ZNF574: variants seen among roughly 807,000 people sequenced by gnomAD.
ZNF574 encodes the protein zinc finger protein 574.
Under a neutral mutation model 56.6 loss-of-function variants are expected in ZNF574, and 25 were observed. The ratio of observed to expected loss-of-function variants is 0.44; its 90% CI spans 0.32 to 0.62. ZNF574 has a LOEUF of 0.62. ZNF574 is among the 20% of genes least tolerant of loss of function. The probability of loss-of-function intolerance (pLI) is 0.04; values close to 1 mark genes in which losing one functional copy is unlikely to be tolerated. For synonymous variants in ZNF574, 543 were observed against 492.1 expected, an observed-to-expected ratio of 1.10 and a Z score of -1.37; for missense variants, 1,065 against 1,218.9, an observed-to-expected ratio of 0.87 and a Z score of 1.88.
At chr19:42,073,111 C>T (rs1338122874), upstream of ZNF574, among the ~76,000 whole-genome samples, 3 of 152,244 alleles carry the variant, frequency 2.0e-5, no homozygotes, top group Non-Finnish European at 2.9e-5. Context: ...ACCACTTGAA[C>T]TTCCTGCCTG....
At chr19:42,077,049 G>A (rs2076461270) in intron 1 of ZNF574, among the ~76,000 whole-genome samples, 1 of 152,016 alleles carries the variant, frequency 6.6e-6, no homozygotes, top group African/African-American at 2.4e-5. Context: ...ATGGGATTTG[G>A]TTATTGGAAG....
At position 42,080,724 on chromosome 19, in the gene ZNF574, A is replaced by G. The variant is rs755206104; in HGVS notation, c.2118A>G (p.Arg706=). The stretch of plus-strand genomic sequence containing the variant: ...TGGCTAAGGAGCCCCCTGCCCCTCG[A>G]GCCCCACGGGCCACTCGTGCACCAG... ...EVLAKEPPAP[R]APRATRAPVA... Residue 706 remains arginine, a synonymous_variant, in exon 2 of 2, where the codon CGA becomes CGG. Transcript: ENST00000359044. The surrounding 1 kb of genome is among the most constrained non-coding windows in gnomAD (Gnocchi z 8.5). The G allele has an allele frequency of 6.2e-7, 1 of 1,613,600 alleles. No individual in the cohort carries two copies. The highest frequency in any genetic ancestry group is 8.5e-7 in the Non-Finnish European group (1 of 1,179,954).
chr19:42,074,707 GAGA>G (rs1019248856), upstream of ZNF574: 4 of 152,268 alleles, frequency 2.6e-5, no homozygotes, highest in African/African-American at 9.6e-5. Flanking sequence ...TTTAATCCAT[GAGA>G]AGGTTAGGAC....
chr19:42,079,008 C>T lies in ZNF574; in HGVS notation c.402C>T (p.Leu134=), dbSNP rs765837108. 3 of 1,614,144 alleles carry T rather than the reference C, an allele frequency of 1.9e-6. No homozygotes were observed. The highest frequency in any genetic ancestry group is 3.3e-5 in the Admixed American group (2 of 60,024). Residue 134 remains leucine, a synonymous_variant, in exon 2 of 2, where the codon CTC becomes CTT. Transcript: ENST00000359044. This position sits in a 1 kb window ranked among gnomAD's most constrained non-coding sequence, Gnocchi z 4.3. ...ACGAGTGTGTGGATTGCAAGGCTCTCTTTGCCAGCCAGGAGCTCTGGCTGA... is the reference window on the plus strand; with the variant it reads ...ACGAGTGTGTGGATTGCAAGGCTCTTTTTGCCAGCCAGGAGCTCTGGCTGA... The part of the protein sequence containing the change: ...IHYECVDCKA[L]FASQELWLNH...
At position 42,080,442 on chromosome 19, in the gene ZNF574, C is replaced by T. The variant is rs201121224; in HGVS notation, c.1836C>T (p.Cys612=). The change falls in exon 2 of 2, where the codon TGC becomes TGT. Residue 612 remains cysteine, a synonymous_variant. Coordinates refer to ENST00000359044, the MANE Select transcript of ZNF574 (RefSeq NM_022752.6). The surrounding 1 kb of genome is among the most constrained non-coding windows in gnomAD (Gnocchi z 8.5). ...AATACCCCTACAAGTGTCGCGAGTGCCCCCGCTCCTTCTTGCTGCGTCGGC... is the reference window on the plus strand; with the variant it reads ...AATACCCCTACAAGTGTCGCGAGTGTCCCCGCTCCTTCTTGCTGCGTCGGC... ...TGEYPYKCRE[C]PRSFLLRRLL... 23 of 1,614,064 alleles carry T rather than the reference C, an allele frequency of 1.4e-5. No individual in the cohort carries two copies. Among genetic ancestry groups the T allele is most frequent in the Admixed American group, 3.3e-5 (2 of 60,006 alleles).
intron 1 of ZNF574, 94 bp from the exon 2 acceptor site, chr19:42,078,493 T>G: frequency 2.8e-6 from 3 of 1,068,764 alleles, no homozygotes; most frequent in East Asian, 2.4e-5. Context: ...CTTAAGGGGG[T>G]GTAGATCTAA....
In ZNF574 at chr19:42,080,066, T is replaced by G. The variant is rs1568945388; in HGVS notation, c.1460T>G (p.Phe487Cys). ...KALQLTRHQR[F>C]VHRLERRHKC... ...TTGCAGCTGACCCGGCACCAACGTT[T>G]TGTGCATCGGCTGGAGCGGCGCCAT... The change falls in exon 2 of 2, where the codon TTT (phenylalanine) becomes TGT (cysteine). Residue 487 changes from phenylalanine (F) to cysteine (C), a missense_variant. Coordinates refer to ENST00000359044, the MANE Select transcript of ZNF574 (RefSeq NM_022752.6). This position sits in a 1 kb window ranked among gnomAD's most constrained non-coding sequence, Gnocchi z 8.5. 6.2e-7 allele frequency: 1 copy of G among 1,614,084 alleles called. No homozygotes were observed. The highest frequency in any genetic ancestry group is 8.5e-7 in the Non-Finnish European group (1 of 1,180,004).
chr19:42,080,962 C>T lies in ZNF574; in HGVS notation c.2356C>T (p.Arg786Cys), dbSNP rs1156557116. 2 of 1,614,168 alleles carry T rather than the reference C, an allele frequency of 1.2e-6. No homozygotes were observed. Among genetic ancestry groups the T allele is most frequent in the South Asian group, 1.1e-5 (1 of 91,088 alleles). ...GAGTACCCACCTGAAAGACCACCGG[C>T]GCCTGCACACAGGTGAGCGGCCCTT... is the stretch of plus-strand genomic sequence containing the variant. ...RQSTHLKDHR[R>C]LHTGERPFAC... The change falls in exon 2 of 2, where the codon CGC (arginine) becomes TGC (cysteine). Residue 786 changes from arginine to cysteine, a missense_variant. Physicochemically the swap from Arg to Cys is radical, Grantham distance 180 (BLOSUM62 -3). Transcript: ENST00000359044. This position sits in a 1 kb window ranked among gnomAD's most constrained non-coding sequence, Gnocchi z 8.5.
rs1380818717 is a variant in ZNF574, at chr19:42,080,835, C to T, written c.2229C>T (p.Cys743=). ...GCCGGGGTCTAGAGTGCAGCGAGTG[C>T]AAGAAGCTGTTCAGCACAGAGACGT... ...ARRRGLECSE[C]KKLFSTETSL... Residue 743 remains cysteine, a synonymous_variant, in exon 2 of 2, where the codon TGC becomes TGT. Transcript: ENST00000359044. This position sits in a 1 kb window ranked among gnomAD's most constrained non-coding sequence, Gnocchi z 8.5. 1.9e-6 allele frequency: 3 copies of T among 1,613,986 alleles called. No individual in the cohort carries two copies. Among genetic ancestry groups the T allele is most frequent in the Non-Finnish European group, 2.5e-6 (3 of 1,180,046 alleles).
upstream of ZNF574, chr19:42,074,718 G>A (rs2146208560): frequency 6.6e-6 from 1 of 152,264 alleles, no homozygotes; most frequent in Non-Finnish European, 1.5e-5. Flanking sequence ...AGAAGGTTAG[G>A]ACATCTAGTG....
At chr19:42,075,566 A>T (rs1434754178), upstream of ZNF574, among the ~76,000 whole-genome samples, 1 of 152,076 alleles carries the variant, frequency 6.6e-6, no homozygotes, top group Non-Finnish European at 1.5e-5. Context: ...TCCTTTTAAT[A>T]AAGTGAGTCT....
In ZNF574 at chr19:42,080,514, C is replaced by T. The variant is rs1455659791; in HGVS notation, c.1908C>T (p.His636=). Residue 636 remains histidine, a synonymous_variant, in exon 2 of 2, where the codon CAC becomes CAT. Coordinates refer to ENST00000359044, the MANE Select transcript of ZNF574 (RefSeq NM_022752.6). This position sits in a 1 kb window ranked among gnomAD's most constrained non-coding sequence, Gnocchi z 8.5. ...QLVVHAGRQP[H]RCPSCGAAFP... ...TGGTCCATGCCGGGCGCCAGCCCCA[C>T]CGCTGCCCATCCTGTGGGGCTGCCT... 1.2e-6 allele frequency: 2 copies of T among 1,613,664 alleles called. No homozygotes were observed. Among genetic ancestry groups the T allele is most frequent in the Non-Finnish European group, 1.7e-6 (2 of 1,179,926 alleles).
chr19:42,078,196 G>C (rs1182223105), intron 1 of ZNF574, among the ~76,000 whole-genome samples: 2 of 152,058 alleles, frequency 1.3e-5, no homozygotes, highest in African/African-American at 4.8e-5. Flanking sequence ...AGAGGAATGG[G>C]GTGAGGTGAG....
chr19:42,079,066 A>G lies in ZNF574; in HGVS notation c.460A>G (p.Thr154Ala), dbSNP rs747484426. The change falls in exon 2 of 2, where the codon ACC (threonine) becomes GCC (alanine). Residue 154 changes from threonine (T) to alanine (A), a missense_variant. Thr to Ala is a moderately conservative substitution (Grantham distance 58, BLOSUM62 0). Transcript: ENST00000359044. This position sits in a 1 kb window ranked among gnomAD's most constrained non-coding sequence, Gnocchi z 4.3. ...GCAGACGCACCTCCGGGCCACACCCACCAAGGCTCCTGCCCCTGTTGTCCT... is the reference window on the plus strand; with the variant it reads ...GCAGACGCACCTCCGGGCCACACCCGCCAAGGCTCCTGCCCCTGTTGTCCT... Reference protein sequence around the residue: ...HRQTHLRATPTKAPAPVVLGS... With the variant: ...HRQTHLRATPAKAPAPVVLGS... 1.2e-6 allele frequency: 2 copies of G among 1,614,082 alleles called. No homozygotes were observed.
upstream of ZNF574, among the ~76,000 whole-genome samples, chr19:42,073,203 G>A (rs1048417514): frequency 6.6e-6 from 1 of 152,122 alleles, no homozygotes; most frequent in Admixed American, 6.5e-5. Flanking sequence ...CCTAACTATG[G>A]GAACTACGAC....
chr19:42,080,412 A>C lies in ZNF574; in HGVS notation c.1806A>C (p.Thr602=). 6.2e-7 allele frequency: 1 copy of C among 1,614,204 alleles called. No homozygotes were observed. The highest frequency in any genetic ancestry group is 8.5e-7 in the Non-Finnish European group (1 of 1,180,026). ...TGCTCATGCACCGCTACCATCACAC[A>C]GGTGAATACCCCTACAAGTGTCGCG... is the stretch of plus-strand genomic sequence containing the variant. ...YRLLMHRYHH[T]GEYPYKCREC... is the part of the protein sequence containing the mutation. The change falls in exon 2 of 2, where the codon ACA becomes ACC. Residue 602 remains threonine (T), a synonymous_variant. Coordinates refer to ENST00000359044, the MANE Select transcript of ZNF574 (RefSeq NM_022752.6). The surrounding 1 kb of genome is among the most constrained non-coding windows in gnomAD (Gnocchi z 8.5).
In ZNF574 at chr19:42,080,134, G is replaced by A. The variant is rs781520977; in HGVS notation, c.1528G>A (p.Val510Met). ...CGKMFKKKSHVRNHLRTHTGE... is the reference protein window; with the variant it reads ...CGKMFKKKSHMRNHLRTHTGE... ...CAAGATGTTCAAGAAGAAGTCTCAC[G>A]TGCGTAACCACCTGCGCACACACAC... The change falls in exon 2 of 2, where the codon GTG (valine) becomes ATG (methionine). Residue 510 changes from valine to methionine, a missense_variant. Transcript: ENST00000359044. This position sits in a 1 kb window ranked among gnomAD's most constrained non-coding sequence, Gnocchi z 8.5. The A allele has an allele frequency of 1.9e-5, 30 of 1,613,930 alleles. No individual in the cohort carries two copies. Among genetic ancestry groups the A allele is most frequent in the Admixed American group, 1.5e-4 (9 of 60,010 alleles).
upstream of ZNF574, chr19:42,076,047 C>T (rs1224573545): frequency 1.3e-5 from 2 of 152,314 alleles, no homozygotes. Flanking sequence ...GCCTCAGAGA[C>T]ATGAACGTCG....
At position 42,079,061 on chromosome 19, in the gene ZNF574, C is replaced by T; in HGVS notation, c.455C>T (p.Thr152Ile). The T allele has an allele frequency of 6.2e-7, 1 of 1,614,206 alleles. No individual in the cohort carries two copies. The highest frequency in any genetic ancestry group is 1.1e-5 in the South Asian group (1 of 91,090). ...LNHRQTHLRA[T>I]PTKAPAPVVL... ...CACCGGCAGACGCACCTCCGGGCCACACCCACCAAGGCTCCTGCCCCTGTT... is the reference window on the plus strand; with the variant it reads ...CACCGGCAGACGCACCTCCGGGCCATACCCACCAAGGCTCCTGCCCCTGTT... The change falls in exon 2 of 2, where the codon ACA becomes ATA. Residue 152 changes from threonine (T) to isoleucine (I), a missense_variant. Thr to Ile is a moderately conservative substitution (Grantham distance 89, BLOSUM62 -1). Transcript: ENST00000359044. This position sits in a 1 kb window ranked among gnomAD's most constrained non-coding sequence, Gnocchi z 4.3.
Sources: gnomAD v4.1 joint callset for allele counts (sites outside exome capture counted in the v4.1 genomes callset) on GRCh38, gnomAD v4.1.1 for gene constraint, Gnocchi (gnomAD v3.1) non-coding constraint, MANE v1.5 for transcripts, NCBI Gene and HGNC (gene_info 2026-07-23, HGNC 2026-07-21) for gene names.